The following BEND7 variants were observed in gnomAD, a reference collection of about 807,000 sequenced individuals.
The protein encoded by BEND7 is BEN domain-containing protein 7.
A neutral mutation model predicts 50.9 loss-of-function variants in BEND7; 28 were observed. The observed-to-expected ratio is 0.55, with a 90% confidence interval of 0.41 to 0.75. The LOEUF (loss-of-function observed/expected upper bound fraction) is 0.75. Among genes scored for constraint, BEND7 ranks in the 30% least tolerant of loss-of-function variants. BEND7 has a pLI of 0.00. For synonymous variants in BEND7, 170 were observed against 183.9 expected (o/e 0.92, Z 0.61); for missense variants, 477 against 491.3 (o/e 0.97, Z 0.28).
intron 6 of BEND7, among the ~76,000 whole-genome samples, chr10:13,472,869 C>T (rs915833249): frequency 1.3e-5 from 2 of 150,384 alleles, no homozygotes; most frequent in African/African-American, 4.9e-5. Flanking sequence ...GGGGTCGATA[C>T]CCATCATCAC....
intron 5 of BEND7, among the ~76,000 whole-genome samples, chr10:13,489,839 T>C (rs2076522688): frequency 6.6e-6 from 1 of 152,236 alleles, no homozygotes; most frequent in South Asian, 2.1e-4. Flanking sequence ...CTAAACTTAA[T>C]GTTTCCCAAG....
downstream of BEND7, chr10:13,438,860 C>A (rs554053849): frequency 1.0e-4 from 33 of 319,584 alleles, no homozygotes; most frequent in African/African-American, 6.8e-4. Context: ...GTCCAACCAG[C>A]CTGACCCTCC....
chr10:13,457,074 G>A (rs938731206), intron 6 of BEND7, among the ~76,000 whole-genome samples: 30 of 152,134 alleles, frequency 2.0e-4, no homozygotes, highest in Admixed American at 3.3e-4. Context: ...GTTATAGCAG[G>A]TACACATCTC....
At chr10:13,517,828 G>A (rs905387425) in intron 2 of BEND7, among the ~76,000 whole-genome samples, 17 of 147,816 alleles carry the variant, frequency 1.2e-4, no homozygotes, top group African/African-American at 3.0e-4. Context: ...CGTGTGGATC[G>A]CAATGGCTGC....
At chr10:13,519,932 G>A (rs1392776794) in intron 2 of BEND7, among the ~76,000 whole-genome samples, 1 of 152,202 alleles carries the variant, frequency 6.6e-6, no homozygotes, top group Non-Finnish European at 1.5e-5. Context: ...CTTTAGGAGG[G>A]AATGATGTGA....
chr10:13,500,149 G>T, intron 2 of BEND7, 69 bp from the exon 3 acceptor site: 1 of 1,274,380 alleles, frequency 7.8e-7, no homozygotes, highest in East Asian at 2.3e-5. Flanking sequence ...TAACCAAAAA[G>T]AAGAGAAAGA....
chr10:13,439,401 C>G, downstream of BEND7: 1 of 1,614,118 alleles, frequency 6.2e-7, no homozygotes, highest in Admixed American at 1.7e-5. Flanking sequence ...TGCCATCTGT[C>G]CCTTTTCTTG....
rs745646707 is a variant in BEND7 at position 13,492,775 on chromosome 10, T to C, written c.673A>G (p.Thr225Ala). 1.4e-5 allele frequency: 22 copies of C among 1,609,488 alleles called. 1 individual carries two copies. In the East Asian group the frequency reaches 4.2e-4, roughly 31 times the overall value. The stretch of plus-strand genomic sequence containing the variant: ...TGTTTCACAGTAAGAGGTTCCACAG[T>C]CTTTGGGGGCACTTTTTTCTTTTTA... ...RNKKKKVPPKTVEPLTVKQKP... is the reference protein window; with the variant it reads ...RNKKKKVPPKAVEPLTVKQKP... Residue 225 changes from threonine to alanine, a missense_variant, in exon 5 of 9, where the codon ACT (threonine) becomes GCT (alanine). Coordinates refer to ENST00000466271, the MANE Select transcript of BEND7 (RefSeq NM_001369863.1).
chr10:13,462,313 C>G (rs1048871032), intron 6 of BEND7, among the ~76,000 whole-genome samples: 13 of 152,140 alleles, frequency 8.5e-5, no homozygotes, highest in African/African-American at 2.9e-4. Flanking sequence ...AAAGGAAGAG[C>G]AAAGGCACAT....
At chr10:13,445,819 T>G (rs142034434) in intron 8 of BEND7, 2 of 152,254 alleles carry the variant, frequency 1.3e-5, no homozygotes, top group African/African-American at 4.8e-5. Context: ...CTGTGTCACA[T>G]GACACAGGAG....
intron 6 of BEND7, among the ~76,000 whole-genome samples, chr10:13,473,318 A>T (rs1236568144): frequency 6.6e-6 from 1 of 150,804 alleles, no homozygotes; most frequent in East Asian, 2.0e-4. Context: ...TCGCTGTTAG[A>T]CTCGGGGATG....
At chr10:13,528,232 G>C (rs1315225945) in intron 1 of BEND7, among the ~76,000 whole-genome samples, 3 of 151,908 alleles carry the variant, frequency 2.0e-5, no homozygotes, top group Non-Finnish European at 2.9e-5. Context: ...GTCATTGTTT[G>C]CTAATTTCCT....
In BEND7 at chr10:13,441,438, G is replaced by C; in HGVS notation, c.*305C>G. On this transcript the variant is annotated 3_prime_UTR_variant, in exon 9 of 9. Transcript: ENST00000466271. ...ATACGTATTTCCAGTGTGTAGATCC[G>C]TTCATCGCACACATCTTTGGGTTGA... is the stretch of plus-strand genomic sequence containing the variant. 6 of 1,112,500 alleles carry C rather than the reference G, an allele frequency of 5.4e-6. No homozygotes were observed. The highest frequency in any genetic ancestry group is 5.6e-5 in the Admixed American group (1 of 17,724). 68.9% of individuals were successfully genotyped at this position (1,112,500 alleles called of 1,614,324 possible).
At chr10:13,527,685 T>G in intron 1 of BEND7, 2 of 246,104 alleles carry the variant, frequency 8.1e-6, no homozygotes, top group Non-Finnish European at 1.3e-5. Context: ...CAATGCATTT[T>G]GAGATATATT....
chr10:13,440,616 G>T (rs1234583546), downstream of BEND7, among the ~76,000 whole-genome samples: 3 of 152,248 alleles, frequency 2.0e-5, no homozygotes, highest in East Asian at 5.8e-4. Context: ...CACGCCCGCG[G>T]GAGGCGGCGG....
intron 6 of BEND7, among the ~76,000 whole-genome samples, chr10:13,474,506 C>T (rs543536861): frequency 1.4e-3 from 212 of 151,884 alleles, no homozygotes; most frequent in African/African-American, 4.4e-3. Flanking sequence ...TACCCGTCAC[C>T]GCTGTTGGAC....
chr10:13,452,782 G>T, intron 6 of BEND7, 124 bp from the exon 7 acceptor site: 1 of 845,166 alleles, frequency 1.2e-6, no homozygotes, highest in Non-Finnish European at 1.7e-6. Flanking sequence ...TGCACGATAT[G>T]TCTTCGGTAT....
At chr10:13,440,240 G>T (rs1835156421), downstream of BEND7, among the ~76,000 whole-genome samples, 1 of 152,196 alleles carries the variant, frequency 6.6e-6, no homozygotes, top group African/African-American at 2.4e-5. Context: ...TGGGATCAAG[G>T]GCATCCCAGA....
intron 6 of BEND7, among the ~76,000 whole-genome samples, chr10:13,470,264 C>T (rs1004248625): frequency 2.6e-5 from 4 of 152,210 alleles, no homozygotes; most frequent in Non-Finnish European, 5.9e-5. Flanking sequence ...TTCCTCAAGA[C>T]ACTGTACTTT....
Sources: gnomAD v4.1 joint callset for allele counts (sites outside exome capture counted in the v4.1 genomes callset) on GRCh38, gnomAD v4.1.1 for gene constraint, MANE v1.5 for transcripts, NCBI Gene and HGNC (gene_info 2026-07-23, HGNC 2026-07-21) for gene names.